DLG2: variants seen among roughly 807,000 people sequenced by gnomAD.
DLG2 encodes the protein disks large homolog 2.
DLG2 carries 45 observed loss-of-function variants against 132.5 expected under a neutral mutation model. The ratio of observed to expected loss-of-function variants is 0.34; its 90% CI spans 0.27 to 0.44. The LOEUF is 0.44. Among genes scored for constraint, DLG2 ranks in the 20% least tolerant of loss-of-function variants. DLG2 has a pLI of 1.00. For missense variants in DLG2, 1,045 were observed against 1,196.9 expected, an observed-to-expected ratio of 0.87 and a Z score of 1.87; for synonymous variants, 424 against 419.6, an observed-to-expected ratio of 1.01 and a Z score of -0.13.
chr11:83,523,210 A>T (rs1219797509), intron 21 of DLG2, among the ~76,000 whole-genome samples: 1 of 152,206 alleles, frequency 6.6e-6, no homozygotes, highest in African/African-American at 2.4e-5. Flanking sequence ...TTCTTTAATA[A>T]TTCCCAAAGT....
At chr11:84,451,243 C>T (rs564223187) in intron 7 of DLG2, among the ~76,000 whole-genome samples, 1 of 151,878 alleles carries the variant, frequency 6.6e-6, no homozygotes, top group East Asian at 1.9e-4. Flanking sequence ...ATATTATAGG[C>T]TGCATCTAAA....
intron 6 of DLG2, among the ~76,000 whole-genome samples, chr11:84,860,825 G>A (rs2083507178): frequency 6.6e-6 from 1 of 150,488 alleles, no homozygotes. Context: ...CTGAAGACAA[G>A]AGAATTCCCA....
chr11:84,719,152 T>C (rs1262341359), intron 6 of DLG2, among the ~76,000 whole-genome samples: 1 of 152,164 alleles, frequency 6.6e-6, no homozygotes, highest in African/African-American at 2.4e-5. Context: ...ACTCCCAATT[T>C]TTCCGTTAAG....
At chr11:85,390,889 A>G (rs1198617454) in intron 3 of DLG2, among the ~76,000 whole-genome samples, 1 of 152,086 alleles carries the variant, frequency 6.6e-6, no homozygotes, top group Non-Finnish European at 1.5e-5. Flanking sequence ...AACTAGAGAA[A>G]CAAGAACAAA....
chr11:85,132,204 A>T (rs1233582235), intron 5 of DLG2, among the ~76,000 whole-genome samples: 3 of 152,214 alleles, frequency 2.0e-5, no homozygotes, highest in African/African-American at 7.2e-5. Context: ...GTATAATTAA[A>T]ATAGAATTAG....
chr11:83,593,508 G>A (rs1003873408), intron 19 of DLG2, among the ~76,000 whole-genome samples: 2 of 151,872 alleles, frequency 1.3e-5, no homozygotes, highest in East Asian at 1.9e-4. Context: ...GTTGGCGGAG[G>A]GGGGAGGGAT....
intron 19 of DLG2, among the ~76,000 whole-genome samples, chr11:83,599,847 A>C (rs1215242766): frequency 6.6e-6 from 1 of 152,240 alleles, no homozygotes; most frequent in Non-Finnish European, 1.5e-5. Flanking sequence ...TGGAAGAACT[A>C]AACTAATGTT....
chr11:83,565,983 C>A (rs1299821769), intron 19 of DLG2, among the ~76,000 whole-genome samples: 1 of 152,164 alleles, frequency 6.6e-6, no homozygotes, highest in East Asian at 1.9e-4. Flanking sequence ...AACATCATCC[C>A]TTCTGTTTCA....
At chr11:83,819,491 AAGAAG>A (rs552438170) in intron 17 of DLG2, among the ~76,000 whole-genome samples, 20,745 of 86,468 alleles carry the variant, frequency 0.24, 3,163 homozygotes, top group African/African-American at 0.27. Context: ...AAAAAAAAAA[AAGAAG>A]AAAAGAAAAA....
intron 19 of DLG2, among the ~76,000 whole-genome samples, chr11:83,599,937 A>G (rs2058253288): frequency 1.3e-5 from 2 of 152,186 alleles, no homozygotes; most frequent in Admixed American, 6.5e-5. Flanking sequence ...TTCTAGGAAC[A>G]TTTATTTTGG....
intron 2 of DLG2, among the ~76,000 whole-genome samples, chr11:85,599,348 T>TTCTC (rs373131909): frequency 7.5e-5 from 11 of 147,508 alleles, no homozygotes; most frequent in East Asian, 4.0e-4. Context: ...ACCTCTCTCT[T>TTCTC]TCTCTCTCTC....
chr11:84,444,963 G>A (rs575847018), intron 7 of DLG2, among the ~76,000 whole-genome samples: 1 of 151,852 alleles, frequency 6.6e-6, no homozygotes, highest in Non-Finnish European at 1.5e-5. Context: ...CCACCACGCC[G>A]AGCTAATTTT....
chr11:84,208,940 C>T (rs2096714367), intron 8 of DLG2, among the ~76,000 whole-genome samples: 2 of 152,102 alleles, frequency 1.3e-5, no homozygotes, highest in Non-Finnish European at 2.9e-5. Context: ...GGAGTATAGT[C>T]AGAGACATCA....
chr11:83,527,549 A>G (rs888820761), intron 21 of DLG2, among the ~76,000 whole-genome samples: 7 of 150,692 alleles, frequency 4.6e-5, no homozygotes, highest in Admixed American at 4.6e-4. Flanking sequence ...TGTCTCTACA[A>G]TTTTTTTTTT....
intron 15 of DLG2, among the ~76,000 whole-genome samples, chr11:83,891,842 G>A (rs550320644): frequency 1.3e-5 from 2 of 152,258 alleles, no homozygotes; most frequent in African/African-American, 2.4e-5. Flanking sequence ...CCAAATAAAT[G>A]TAGGATGTTT....
chr11:83,714,834 A>G (rs957204447), intron 18 of DLG2, among the ~76,000 whole-genome samples: 11 of 152,256 alleles, frequency 7.2e-5, no homozygotes, highest in African/African-American at 2.7e-4. Context: ...TAGTTCAACC[A>G]TTGTGGAAGA....
At chr11:84,495,471 A>G (rs1287822048) in intron 7 of DLG2, among the ~76,000 whole-genome samples, 1 of 152,120 alleles carries the variant, frequency 6.6e-6, no homozygotes, top group Admixed American at 6.6e-5. Context: ...AACATTTTAC[A>G]TGTATGTCTC....
chr11:84,955,361 T>C (rs772593987), intron 6 of DLG2: 10 of 152,170 alleles, frequency 6.6e-5, no homozygotes, highest in Non-Finnish European at 1.2e-4. Flanking sequence ...TTGGCCAAGA[T>C]AGATTAAGTA....
chr11:85,230,776 G>A (rs2075256914), intron 4 of DLG2, among the ~76,000 whole-genome samples: 1 of 151,890 alleles, frequency 6.6e-6, no homozygotes, highest in African/African-American at 2.4e-5. Context: ...CAATGCAATA[G>A]TATTAAGAGG....
Sources: allele counts gnomAD v4.1 joint callset (sites outside exome capture counted in the v4.1 genomes callset), GRCh38; gene constraint gnomAD v4.1.1; transcripts MANE v1.5; gene names NCBI Gene and HGNC (gene_info 2026-07-23, HGNC 2026-07-21).